USP32: variants seen among roughly 807,000 people sequenced by gnomAD.
USP32 encodes the protein ubiquitin specific peptidase 32.
Under a neutral mutation model 204.8 loss-of-function variants are expected in USP32, and 59 were observed. That is an observed-to-expected ratio of 0.29 (90% CI 0.23 to 0.36). The LOEUF is 0.36. Ranked by LOEUF, USP32 falls within the 10% of genes least tolerant of loss-of-function variation. USP32 has a pLI of 1.00. For missense variants in USP32, 1,160 were observed against 1,946.4 expected (o/e 0.60, Z 7.60); for synonymous variants, 517 against 678.4 (o/e 0.76, Z 3.70).
chr17:60,268,838 G>A (rs796504010), intron 7 of USP32, among the ~76,000 whole-genome samples: 4 of 151,958 alleles, frequency 2.6e-5, no homozygotes, highest in African/African-American at 9.7e-5. Context: ...GCAACATTTG[G>A]GAAGATTTAT....
In USP32 at chr17:60,179,016, A is replaced by G; in HGVS notation, c.*239T>C. The G allele has an allele frequency of 2.4e-6, 1 of 419,896 alleles. No individual in the cohort carries two copies. 26.0% of individuals were successfully genotyped at this position (419,896 alleles called of 1,614,324 possible). A position where few individuals can be genotyped will look rare whatever the true frequency, so the allele number is the denominator to read the frequency against. ...GGCTGGTGCCAAACCTTTTGTTTAC[A>G]GGCTAATGGTGGGATCTGCCTGAAA... On this transcript the variant is annotated 3_prime_UTR_variant, in exon 34 of 34. Transcript: ENST00000300896.
intron 2 of USP32, among the ~76,000 whole-genome samples, chr17:60,342,602 G>T (rs1049581035): frequency 2.0e-5 from 3 of 152,232 alleles, no homozygotes; most frequent in Non-Finnish European, 4.4e-5. Flanking sequence ...CTTCCTGGCA[G>T]CTTTGTTTAC....
chr17:60,333,053 T>C (rs1053940451), intron 2 of USP32, among the ~76,000 whole-genome samples: 2 of 152,180 alleles, frequency 1.3e-5, no homozygotes, highest in African/African-American at 4.8e-5. Flanking sequence ...ATTACTGGTA[T>C]CATAATCTTT....
intron 1 of USP32, among the ~76,000 whole-genome samples, chr17:60,401,864 TC>T (rs2089938064): frequency 1.3e-5 from 2 of 151,960 alleles, no homozygotes; most frequent in Non-Finnish European, 2.9e-5. Flanking sequence ...CATGCAAAAA[TC>T]TAAGGGAGCA....
At chr17:60,201,426 C>T (rs1418815289) in intron 26 of USP32, among the ~76,000 whole-genome samples, 1 of 152,030 alleles carries the variant, frequency 6.6e-6, no homozygotes, top group East Asian at 1.9e-4. Context: ...AACTGCTTAT[C>T]TTTAACTAGA....
chr17:60,392,207 TC>T (rs1356478704), upstream of USP32: 2 of 351,694 alleles, frequency 5.7e-6, no homozygotes, highest in African/African-American at 2.3e-5. Context: ...TCCCTCTCCT[TC>T]CCTCCTCACG....
intron 1 of USP32, among the ~76,000 whole-genome samples, chr17:60,369,423 TA>T (rs11348474): frequency 0.22 from 18,461 of 85,016 alleles, 3,153 homozygotes; most frequent in African/African-American, 0.5. Context: ...GACCCCTACC[TA>T]AAAAAAAAAA....
At chr17:60,339,491 G>A (rs1360950937) in intron 2 of USP32, among the ~76,000 whole-genome samples, 1 of 150,854 alleles carries the variant, frequency 6.6e-6, no homozygotes, top group African/African-American at 2.4e-5. Context: ...GCTGAGGCAG[G>A]AGAATTGCTT....
intron 1 of USP32, among the ~76,000 whole-genome samples, chr17:60,368,743 T>G (rs1426534299): frequency 6.6e-6 from 1 of 152,150 alleles, no homozygotes. Context: ...CTAATAATCA[T>G]ACATGGTTCT....
intron 1 of USP32, among the ~76,000 whole-genome samples, chr17:60,357,710 G>A (rs1156470442): frequency 2.6e-5 from 4 of 151,890 alleles, no homozygotes; most frequent in African/African-American, 9.7e-5. Flanking sequence ...ATTAATCTCT[G>A]GAAAGGACTG....
chr17:60,253,917 T>C (rs2086231413), intron 10 of USP32, among the ~76,000 whole-genome samples: 1 of 152,234 alleles, frequency 6.6e-6, no homozygotes, highest in Non-Finnish European at 1.5e-5. Context: ...TTATAACTTG[T>C]AATAAAGCAA....
At chr17:60,418,396 G>GTTTTTTTTT (rs569143215) in intron 1 of USP32, among the ~76,000 whole-genome samples, 2 of 118,424 alleles carry the variant, frequency 1.7e-5, no homozygotes, top group African/African-American at 6.2e-5. Context: ...CCTGGCCTCT[G>GTTTTTTTTT]TTTTTTTTTT....
intron 1 of USP32, among the ~76,000 whole-genome samples, chr17:60,375,899 T>C (rs895894772): frequency 6.6e-6 from 1 of 152,196 alleles, no homozygotes; most frequent in Non-Finnish European, 1.5e-5. Flanking sequence ...TGAGCCACTA[T>C]GCCCGGCCAA....
At chr17:60,396,384 A>G (rs1038057015), upstream of USP32, among the ~76,000 whole-genome samples, 3 of 152,132 alleles carry the variant, frequency 2.0e-5, no homozygotes, top group African/African-American at 7.2e-5. Context: ...TCCCGAAGCT[A>G]TTTTTGTACA....
chr17:60,265,334 C>A, intron 9 of USP32, 78 bp downstream of exon 9: 1 of 963,264 alleles, frequency 1.0e-6, no homozygotes, highest in Non-Finnish European at 1.6e-6. Context: ...GAGATTCAAG[C>A]ATGTATATAA....
In USP32 at chr17:60,206,975, A is replaced by G. The variant is rs769485131; in HGVS notation, c.3037+46T>C. Reference sequence around the variant, plus strand: ...AAAAAAGATGACAACTCTTAGACAAATATTTAAAGGAGCAATCATGAGAAG... The same window carrying G: ...AAAAAAGATGACAACTCTTAGACAAGTATTTAAAGGAGCAATCATGAGAAG... On this transcript the variant is annotated intron_variant, in intron 25 of 33. Coordinates refer to ENST00000300896, the MANE Select transcript of USP32 (RefSeq NM_032582.4). The G allele has an allele frequency of 3.3e-5, 52 of 1,558,696 alleles. No individual in the cohort carries two copies. In the African/African-American group the frequency reaches 6.0e-4, roughly 18 times the overall value.
At chr17:60,319,756 G>A (rs991152303) in intron 2 of USP32, among the ~76,000 whole-genome samples, 1 of 152,074 alleles carries the variant, frequency 6.6e-6, no homozygotes, top group Non-Finnish European at 1.5e-5. Context: ...CTCCAGCCTG[G>A]ATGACAGAGT....
intron 32 of USP32, 133 bp downstream of exon 32, chr17:60,181,191 T>A (rs2084101961): frequency 4.9e-6 from 6 of 1,225,696 alleles, no homozygotes; most frequent in Non-Finnish European, 6.8e-6. Flanking sequence ...GATTTCTGTG[T>A]TAACTTTGTC....
chr17:60,289,609 A>C (rs554588495), intron 4 of USP32, among the ~76,000 whole-genome samples: 1 of 152,294 alleles, frequency 6.6e-6, no homozygotes, highest in African/African-American at 2.4e-5. Context: ...CTCTGGAGAA[A>C]AGTATCCAGG....
Sources: gnomAD v4.1 joint callset for allele counts (sites outside exome capture counted in the v4.1 genomes callset) on GRCh38, gnomAD v4.1.1 for gene constraint, MANE v1.5 for transcripts, NCBI Gene and HGNC (gene_info 2026-07-23, HGNC 2026-07-21) for gene names.